Variants in PTPRD observed in about 807,000 individuals in gnomAD.
PTPRD encodes the protein receptor-type tyrosine-protein phosphatase delta.
Under a neutral mutation model 214.5 loss-of-function variants are expected in PTPRD, and 34 were observed. That is an observed-to-expected ratio of 0.16 (90% CI 0.12 to 0.21). The LOEUF (loss-of-function observed/expected upper bound fraction) is 0.21. Ranked by LOEUF, PTPRD falls within the 10% of genes least tolerant of loss-of-function variation. The pLI is 1.00. For synonymous variants in PTPRD, 1,128 were observed against 845.7 expected, an observed-to-expected ratio of 1.33 and a Z score of -5.79; for missense variants, 2,545 against 2,398.7, an observed-to-expected ratio of 1.06 and a Z score of -1.27.
intron 12 of PTPRD, among the ~76,000 whole-genome samples, chr9:8,704,967 T>C (rs1049813111): frequency 2.6e-5 from 4 of 151,928 alleles, no homozygotes; most frequent in African/African-American, 9.7e-5. Flanking sequence ...GAAAGTTCAA[T>C]GGCTCTCAAT....
chr9:9,834,240 G>T (rs964669599), intron 5 of PTPRD, among the ~76,000 whole-genome samples: 17 of 152,058 alleles, frequency 1.1e-4, no homozygotes, highest in African/African-American at 3.9e-4. Context: ...CCACAACAGG[G>T]TTCTAAATCA....
intron 5 of PTPRD, among the ~76,000 whole-genome samples, chr9:9,800,193 C>G (rs1376960934): frequency 6.6e-6 from 1 of 152,020 alleles, no homozygotes; most frequent in Admixed American, 6.6e-5. Flanking sequence ...TTTGATTAGC[C>G]AGGCGGGGTG....
At chr9:9,088,394 A>C (rs987144597) in intron 10 of PTPRD, among the ~76,000 whole-genome samples, 2 of 151,396 alleles carry the variant, frequency 1.3e-5, no homozygotes, top group Non-Finnish European at 2.9e-5. Flanking sequence ...AGCCTGACCA[A>C]CATGGTGAAA....
rs1029034757 is a variant in PTPRD at position 10,180,597 on chromosome 9, T to C, written c.-544-146807A>G. On this transcript the variant is annotated intron_variant, in intron 3 of 45. Transcript: ENST00000381196. ...ATTTAACTTTGATACCAAAACCAGA[T>C]AAAGTACAAAAAAAAAAAAAAAAAA... Among the ~76,000 whole-genome samples, 4 of 40,872 alleles carry C rather than the reference T, an allele frequency of 9.8e-5. No homozygotes were observed. The South Asian group carries it at 2.5e-3, about 25-fold the overall frequency. The allele number at this position is 40,872 out of a possible 152,430, so 26.8% of individuals were successfully genotyped here. A position where few individuals can be genotyped will look rare whatever the true frequency, so the allele number is the denominator to read the frequency against.
At chr9:8,505,407 G>A (rs1192782941) in intron 22 of PTPRD, among the ~76,000 whole-genome samples, 1 of 152,036 alleles carries the variant, frequency 6.6e-6, no homozygotes, top group Non-Finnish European at 1.5e-5. Flanking sequence ...CGGAACATGA[G>A]GTCAGGAGAT....
intron 3 of PTPRD, among the ~76,000 whole-genome samples, chr9:10,128,093 G>C (rs1369655746): frequency 1.3e-5 from 2 of 152,042 alleles, no homozygotes; most frequent in South Asian, 4.1e-4. Context: ...TCAACTCCAG[G>C]TTCTTCCCTT....
intron 2 of PTPRD, among the ~76,000 whole-genome samples, chr9:10,411,676 T>TA (rs2098437602): frequency 6.6e-6 from 1 of 151,968 alleles, no homozygotes; most frequent in Admixed American, 6.6e-5. Context: ...TGATTTTTTT[T>TA]ACTTATTAGC....
chr9:9,934,146 C>A (rs1256634628), intron 5 of PTPRD, among the ~76,000 whole-genome samples: 2 of 148,970 alleles, frequency 1.3e-5, no homozygotes, highest in African/African-American at 5.2e-5. Context: ...AAAATTGACA[C>A]CCTAACATCA....
rs1190999117 is a variant in PTPRD, at chr9:8,948,576, TAC to T, written c.-104+70119_-104+70120del. 5.6e-4 allele frequency among the ~76,000 whole-genome samples: 59 copies of T among 105,508 alleles called. 1 individual carries two copies. Among genetic ancestry groups the T allele is most frequent in the African/African-American group, 1.9e-3 (51 of 26,266 alleles). The allele number at this position is 105,508 out of a possible 152,430, so 69.2% of individuals were successfully genotyped here. On this transcript the variant is annotated intron_variant, in intron 11 of 45. Coordinates refer to ENST00000381196, the MANE Select transcript of PTPRD (RefSeq NM_002839.4). ...ATTTATATATATTTATATATATATA[TAC>T]ACACACACACACAATGAAACGACAT...
chr9:10,106,123 T>C (rs1000813332), intron 3 of PTPRD, among the ~76,000 whole-genome samples: 10 of 151,658 alleles, frequency 6.6e-5, no homozygotes, highest in African/African-American at 2.4e-4. Flanking sequence ...ACTTATTGAA[T>C]TCAATAAGTT....
intron 14 of PTPRD, among the ~76,000 whole-genome samples, chr9:8,577,128 A>G (rs1425450652): frequency 6.6e-6 from 1 of 152,146 alleles, no homozygotes; most frequent in Non-Finnish European, 1.5e-5. Flanking sequence ...TCTCCCCACC[A>G]TGACCTGTAC....
intron 11 of PTPRD, among the ~76,000 whole-genome samples, chr9:8,785,386 G>T (rs940325590): frequency 6.6e-6 from 1 of 152,052 alleles, no homozygotes; most frequent in Admixed American, 6.6e-5. Flanking sequence ...AGCTACAAAG[G>T]CAAAAGAACA....
chr9:9,814,707 A>G (rs2048208338), intron 5 of PTPRD, among the ~76,000 whole-genome samples: 1 of 152,028 alleles, frequency 6.6e-6, no homozygotes, highest in Non-Finnish European at 1.5e-5. Context: ...CGCAATCCCT[A>G]CCAAATTCCA....
chr9:10,216,874 T>C (rs1055589554), intron 3 of PTPRD, among the ~76,000 whole-genome samples: 1 of 151,996 alleles, frequency 6.6e-6, no homozygotes, highest in African/African-American at 2.4e-5. Flanking sequence ...GAGTCTTTCA[T>C]ATATTCAATT....
At chr9:8,393,155 T>C (rs2090141778) in intron 36 of PTPRD, among the ~76,000 whole-genome samples, 1 of 152,158 alleles carries the variant, frequency 6.6e-6, no homozygotes. Flanking sequence ...TTTCTCTAAG[T>C]AGTGCATATT....
chr9:8,885,591 G>C (rs1015910583), intron 11 of PTPRD, among the ~76,000 whole-genome samples: 17 of 148,124 alleles, frequency 1.1e-4, no homozygotes, highest in African/African-American at 4.2e-4. Flanking sequence ...CTGCCTTCCA[G>C]GTTCAAGCAA....
intron 10 of PTPRD, among the ~76,000 whole-genome samples, chr9:9,082,942 G>T (rs1028738710): frequency 6.6e-6 from 1 of 152,172 alleles, no homozygotes; most frequent in Non-Finnish European, 1.5e-5. Flanking sequence ...CTCATGGATA[G>T]GAAGAATCAA....
At position 8,752,835 on chromosome 9, in the gene PTPRD, CA is replaced by C. The variant is rs1159498711; in HGVS notation, c.-103-18890del. ...CAGAACCACCAAGTTGAGCCCAGCT[CA>C]AACTGCTGATCCAGAGAATTGAGAT... On this transcript the variant is annotated intron_variant, in intron 11 of 45. Coordinates refer to ENST00000381196, the MANE Select transcript of PTPRD (RefSeq NM_002839.4). 2.5e-4 allele frequency among the ~76,000 whole-genome samples: 38 copies of C among 152,156 alleles called. 1 individual carries two copies. Among genetic ancestry groups the C allele is most frequent in the Admixed American group, 2.5e-3 (38 of 15,276 alleles).
chr9:10,166,019 C>T lies in PTPRD; in HGVS notation c.-544-132229G>A, dbSNP rs968042353. Among the ~76,000 whole-genome samples, 3 of 149,026 alleles carry T rather than the reference C, an allele frequency of 2.0e-5. 1 individual carries two copies. Among genetic ancestry groups the T allele is most frequent in the Middle Eastern group, 8.0e-3 (2 of 250 alleles). On this transcript the variant is annotated intron_variant, in intron 3 of 45. Transcript: ENST00000381196. ...AATACAAAAGTATTTATATATAATA[C>T]ATATCATATATATTATGCATTATAT...
Sources: gnomAD v4.1 joint callset for allele counts (sites outside exome capture counted in the v4.1 genomes callset) on GRCh38, gnomAD v4.1.1 for gene constraint, MANE v1.5 for transcripts, NCBI Gene and HGNC (gene_info 2026-07-23, HGNC 2026-07-21) for gene names.